Variants in SGCZ observed in about 807,000 individuals in gnomAD.
SGCZ encodes sarcoglycan zeta.
A neutral mutation model predicts 41.3 loss-of-function variants in SGCZ; 40 were observed. The ratio of observed to expected loss-of-function variants is 0.97; its 90% confidence interval spans 0.75 to 1.26. The LOEUF is 1.26. Among genes scored for constraint, SGCZ ranks in the 50% most tolerant of loss-of-function variants. The pLI, the probability that SGCZ is intolerant of heterozygous loss-of-function variation, is 0.00. For synonymous variants in SGCZ, 206 were observed against 137.5 expected, an observed-to-expected ratio of 1.50 and a Z score of -3.49; for missense variants, 552 against 369.8, an observed-to-expected ratio of 1.49 and a Z score of -4.04.
chr8:14,496,044 T>A (rs9693571), intron 2 of SGCZ, among the ~76,000 whole-genome samples: 2,503 of 152,132 alleles, frequency 0.016, 67 homozygotes, highest in African/African-American at 0.057. Context: ...ATTGGAAAGA[T>A]CGTGTGGTCT....
intron 1 of SGCZ, among the ~76,000 whole-genome samples, chr8:15,036,162 T>A (rs1803866245): frequency 6.6e-6 from 1 of 152,002 alleles, no homozygotes. Context: ...ACACTAATAC[T>A]ACAGAAATAA....
chr8:14,384,443 T>G (rs1370512939), intron 2 of SGCZ, among the ~76,000 whole-genome samples: 4 of 152,172 alleles, frequency 2.6e-5, no homozygotes, highest in African/African-American at 9.6e-5. Flanking sequence ...TTTGAGAAAT[T>G]TAACTTGGAA....
chr8:14,786,491 G>C (rs1007263194), intron 1 of SGCZ, among the ~76,000 whole-genome samples: 1 of 151,988 alleles, frequency 6.6e-6, no homozygotes, highest in Non-Finnish European at 1.5e-5. Flanking sequence ...ATGATACAAC[G>C]TACATGAGAA....
chr8:14,544,216 C>G (rs770475123), intron 2 of SGCZ, among the ~76,000 whole-genome samples: 1 of 152,010 alleles, frequency 6.6e-6, no homozygotes, highest in Non-Finnish European at 1.5e-5. Context: ...ATTTCTTATG[C>G]CTGTCTTTAC....
intron 6 of SGCZ, among the ~76,000 whole-genome samples, chr8:14,107,386 A>G (rs1802238811): frequency 1.3e-5 from 2 of 152,082 alleles, no homozygotes; most frequent in Non-Finnish European, 2.9e-5. Context: ...TTTACATATA[A>G]ATGCCTCCTA....
At chr8:14,119,916 T>A (rs980734700) in intron 5 of SGCZ, among the ~76,000 whole-genome samples, 1 of 152,172 alleles carries the variant, frequency 6.6e-6, no homozygotes, top group Non-Finnish European at 1.5e-5. Context: ...TGAAGCCCAC[T>A]TGATTGTGGT....
At chr8:15,019,760 G>A (rs1231974392) in intron 1 of SGCZ, among the ~76,000 whole-genome samples, 1 of 151,262 alleles carries the variant, frequency 6.6e-6, no homozygotes, top group Non-Finnish European at 1.5e-5. Context: ...TCTGACTCCA[G>A]CATGTCTCCA....
At chr8:14,102,906 T>A (rs77397389) in intron 6 of SGCZ, among the ~76,000 whole-genome samples, 3,249 of 152,212 alleles carry the variant, frequency 0.021, 130 homozygotes, top group African/African-American at 0.075. Flanking sequence ...AATTTACAGT[T>A]TAGGATGTAG....
chr8:15,057,776 C>A (rs1804767171), intron 1 of SGCZ, among the ~76,000 whole-genome samples: 1 of 152,308 alleles, frequency 6.6e-6, no homozygotes, highest in East Asian at 1.9e-4. Flanking sequence ...CAGAGCTAAT[C>A]ATATTCAACT....
chr8:14,516,249 T>A (rs1802617074), intron 2 of SGCZ, among the ~76,000 whole-genome samples: 1 of 151,996 alleles, frequency 6.6e-6, no homozygotes, highest in Non-Finnish European at 1.5e-5. Context: ...CAACAAGCTA[T>A]TAATCGCAGT....
intron 3 of SGCZ, among the ~76,000 whole-genome samples, chr8:14,243,546 A>G (rs147307495): frequency 6.6e-6 from 1 of 152,344 alleles, no homozygotes; most frequent in African/African-American, 2.4e-5. Flanking sequence ...ATTTATGTTC[A>G]TAACATGTAA....
At chr8:15,181,497 AGT>A (rs1274236623) in intron 1 of SGCZ, among the ~76,000 whole-genome samples, 2 of 152,302 alleles carry the variant, frequency 1.3e-5, no homozygotes, top group East Asian at 3.9e-4. Context: ...TCATACAAAC[AGT>A]GTGAGATACA....
At chr8:14,115,300 A>G (rs1802489773) in intron 5 of SGCZ, among the ~76,000 whole-genome samples, 1 of 152,052 alleles carries the variant, frequency 6.6e-6, no homozygotes, top group Non-Finnish European at 1.5e-5. Flanking sequence ...CTCTATGGGT[A>G]TGCACTTTTT....
chr8:15,213,284 A>G, intron 1 of SGCZ, among the ~76,000 whole-genome samples: 1 of 151,934 alleles, frequency 6.6e-6, no homozygotes, highest in Non-Finnish European at 1.5e-5. Flanking sequence ...AGTATCTTCT[A>G]GAGGTTTTGA....
chr8:14,816,697 G>A (rs540598731), intron 1 of SGCZ, among the ~76,000 whole-genome samples: 60 of 152,046 alleles, frequency 3.9e-4, no homozygotes, highest in Non-Finnish European at 7.6e-4. Context: ...TGGTAATACC[G>A]AAGTCTCCAA....
intron 1 of SGCZ, among the ~76,000 whole-genome samples, chr8:15,221,154 AAAAAG>A (rs1225625110): frequency 1.3e-5 from 2 of 152,220 alleles, no homozygotes; most frequent in Non-Finnish European, 2.9e-5. Context: ...CTAGAACTTA[AAAAAG>A]AAAAGAAAAT....
chr8:14,874,163 T>C (rs968038603), intron 1 of SGCZ, among the ~76,000 whole-genome samples: 1 of 152,144 alleles, frequency 6.6e-6, no homozygotes, highest in Admixed American at 6.6e-5. Context: ...CTTCTAGTTA[T>C]AAAGAAAAGT....
intron 3 of SGCZ, among the ~76,000 whole-genome samples, chr8:14,260,592 A>G (rs937489373): frequency 1.5e-4 from 23 of 149,108 alleles, no homozygotes; most frequent in African/African-American, 5.6e-4. Context: ...CCATCCCATT[A>G]CTGGGTATAT....
chr8:14,756,104 C>A (rs981631766), intron 1 of SGCZ, among the ~76,000 whole-genome samples: 18 of 150,058 alleles, frequency 1.2e-4, no homozygotes, highest in Non-Finnish European at 2.5e-4. Context: ...TGGAAGCCAA[C>A]AATATTGTAG....
Sources: allele counts gnomAD v4.1 joint callset (sites outside exome capture counted in the v4.1 genomes callset), GRCh38; gene constraint gnomAD v4.1.1; transcripts MANE v1.5; gene names NCBI Gene and HGNC (gene_info 2026-07-23, HGNC 2026-07-21).